OR6N1: variants seen among roughly 807,000 people sequenced by gnomAD.
The protein encoded by OR6N1 is olfactory receptor 6N1.
For synonymous variants in OR6N1, 170 were observed against 150.7 expected (o/e 1.13, Z -0.94); for missense variants, 394 against 371.7 (o/e 1.06, Z -0.49).
At chr1:158,819,559 CCTT>C in the OR6N1 span, among the ~76,000 whole-genome samples, 1 of 152,060 alleles carries the variant, frequency 6.6e-6, no homozygotes, top group South Asian at 2.1e-4. Flanking sequence ...TTGCTTGACT[CCTT>C]CTTTAAAGGA....
At chr1:158,795,135 G>A in the OR6N1 span, among the ~76,000 whole-genome samples, 2 of 152,172 alleles carry the variant, frequency 1.3e-5, no homozygotes, top group African/African-American at 4.8e-5. Context: ...AAGGAAGAGT[G>A]TAGCTTCCTC....
At chr1:158,791,469 A>ATTTTTTTT in the OR6N1 span, among the ~76,000 whole-genome samples, 50 of 127,346 alleles carry the variant, frequency 3.9e-4, 2 homozygotes, top group East Asian at 9.8e-3. Flanking sequence ...TATGATTTTG[A>ATTTTTTTT]TTTTTTTTTT....
chr1:158,778,249 C>G, the OR6N1 span, among the ~76,000 whole-genome samples: 1 of 152,088 alleles, frequency 6.6e-6, no homozygotes, highest in Non-Finnish European at 1.5e-5. Flanking sequence ...AGCTTACAAC[C>G]CTGTAGAGAA....
chr1:158,796,708 A>G, the OR6N1 span, among the ~76,000 whole-genome samples: 1 of 152,066 alleles, frequency 6.6e-6, no homozygotes, highest in African/African-American at 2.4e-5. Flanking sequence ...TTGCTGTCTT[A>G]TTAGTGTTGG....
chr1:158,819,016 A>G, the OR6N1 span, among the ~76,000 whole-genome samples: 4 of 152,306 alleles, frequency 2.6e-5, no homozygotes, highest in East Asian at 7.7e-4. Context: ...AAGCTGCTTA[A>G]TTGAGCTGGG....
the OR6N1 span, among the ~76,000 whole-genome samples, chr1:158,821,622 C>G: frequency 1.3e-5 from 2 of 152,068 alleles, no homozygotes; most frequent in Non-Finnish European, 2.9e-5. Context: ...TGTCTCATTT[C>G]TTCTAGGGTT....
the OR6N1 span, chr1:158,808,323 T>A: frequency 3.3e-5 from 5 of 151,998 alleles, no homozygotes; most frequent in African/African-American, 9.7e-5. Context: ...GTATTTTTAG[T>A]AGAGATGGGG....
At chr1:158,770,617 A>C (rs948416905) in intron 1 of OR6N1, among the ~76,000 whole-genome samples, 10 of 152,308 alleles carry the variant, frequency 6.6e-5, no homozygotes, top group Middle Eastern at 6.8e-3. Context: ...GGAATATCTG[A>C]AATGTATTAT....
chr1:158,829,179 T>C, the OR6N1 span, among the ~76,000 whole-genome samples: 1 of 152,234 alleles, frequency 6.6e-6, no homozygotes, highest in Admixed American at 6.5e-5. Flanking sequence ...ATGATTAACA[T>C]TTAGCTCCTC....
chr1:158,826,675 G>C, the OR6N1 span, among the ~76,000 whole-genome samples: 10 of 152,164 alleles, frequency 6.6e-5, no homozygotes, highest in Non-Finnish European at 1.5e-4. Flanking sequence ...TGATAGGTAT[G>C]GATAGTTTCC....
At chr1:158,808,375 C>T in the OR6N1 span, 1 of 152,642 alleles carries the variant, frequency 6.6e-6, no homozygotes. Context: ...GATCCACCCG[C>T]CTCGGCCTCC....
At chr1:158,808,494 G>A in the OR6N1 span, 1 of 153,140 alleles carries the variant, frequency 6.5e-6, no homozygotes, top group African/African-American at 2.4e-5. Flanking sequence ...TTGAGGAAAG[G>A]GGTAATAAGG....
At chr1:158,768,274 G>A (rs1657328264) in intron 1 of OR6N1, among the ~76,000 whole-genome samples, 1 of 151,728 alleles carries the variant, frequency 6.6e-6, no homozygotes, top group East Asian at 1.9e-4. Flanking sequence ...ATTTTTCTCT[G>A]CTACTCCAGA....
At chr1:158,805,336 A>G in the OR6N1 span, among the ~76,000 whole-genome samples, 1 of 152,200 alleles carries the variant, frequency 6.6e-6, no homozygotes, top group Non-Finnish European at 1.5e-5. Context: ...AGAAGTGGCC[A>G]AAAGTTGGAC....
rs1443799575 is a variant in OR6N1, at chr1:158,765,926, C to T, written c.757G>A (p.Gly253Arg). ...TGCACATACATGGAAAGGATGCTCCCATAGAAGATGAGAACCACAGTGAAG... is the reference window on the plus strand; with the variant it reads ...TGCACATACATGGAAAGGATGCTCCTATAGAAGATGAGAACCACAGTGAAG... ...SHFTVVLIFY[G>R]SILSMYVQLK... Residue 253 changes from glycine to arginine, a missense_variant, in exon 2 of 2, where the codon GGG (glycine) becomes AGG (arginine). Gly to Arg is a moderately radical substitution (Grantham distance 125). Coordinates refer to ENST00000641846, the MANE Select transcript of OR6N1 (RefSeq NM_001005185.2). 6.2e-7 allele frequency: 1 copy of T among 1,614,140 alleles called. No individual in the cohort carries two copies. The highest frequency in any genetic ancestry group is 8.5e-7 in the Non-Finnish European group (1 of 1,180,020).
chr1:158,833,389 T>C, the OR6N1 span, among the ~76,000 whole-genome samples: 2 of 152,214 alleles, frequency 1.3e-5, no homozygotes, highest in Admixed American at 6.5e-5. Flanking sequence ...AGTTCAGTAG[T>C]ATTAAATACA....
At chr1:158,796,099 G>A in the OR6N1 span, 2 of 152,198 alleles carry the variant, frequency 1.3e-5, no homozygotes, top group African/African-American at 2.4e-5. Context: ...GAAAACAGTT[G>A]GTGCTGTTCT....
At chr1:158,785,503 A>G in the OR6N1 span, among the ~76,000 whole-genome samples, 2 of 149,252 alleles carry the variant, frequency 1.3e-5, no homozygotes, top group African/African-American at 2.4e-5. Context: ...GCATCTACCT[A>G]TAAATTCTCC....
the OR6N1 span, among the ~76,000 whole-genome samples, chr1:158,824,801 T>A: frequency 2.0e-5 from 3 of 152,152 alleles, no homozygotes; most frequent in African/African-American, 7.2e-5. Context: ...CCTTACCCCA[T>A]ATACAAAAAT....
Sources: allele counts gnomAD v4.1 joint callset (sites outside exome capture counted in the v4.1 genomes callset), GRCh38; gene constraint gnomAD v4.1.1; transcripts MANE v1.5; gene names NCBI Gene and HGNC (gene_info 2026-07-23, HGNC 2026-07-21).